RALGAPA2: variants seen among roughly 807,000 people sequenced by gnomAD.
RALGAPA2 encodes the protein Ral GTPase activating protein catalytic subunit alpha 2, also known as ral GTPase-activating protein subunit alpha-2.
Under a neutral mutation model 230.4 loss-of-function variants are expected in RALGAPA2, and 139 were observed. The ratio of observed to expected loss-of-function variants is 0.60; its 90% CI spans 0.53 to 0.69. The LOEUF (loss-of-function observed/expected upper bound fraction) is 0.69, where lower values mean the gene tolerates loss of function less well. Ranked by LOEUF, RALGAPA2 falls within the 30% of genes least tolerant of loss-of-function variation. The probability of loss-of-function intolerance (pLI) is 0.00; values close to 1 mark genes in which losing one functional copy is unlikely to be tolerated. For synonymous variants in RALGAPA2, 847 were observed against 837.8 expected, an observed-to-expected ratio of 1.01 and a Z score of -0.19; for missense variants, 2,163 against 2,276.0, an observed-to-expected ratio of 0.95 and a Z score of 1.01.
intron 37 of RALGAPA2, among the ~76,000 whole-genome samples, chr20:20,414,403 G>A (rs1002491379): frequency 2.6e-5 from 4 of 152,178 alleles, no homozygotes; most frequent in South Asian, 2.1e-4. Context: ...AAGGAAATGC[G>A]TGCGCATTTT....
chr20:20,519,858 C>T lies in RALGAPA2; in HGVS notation c.4084+1059G>A, dbSNP rs370318345. The stretch of plus-strand genomic sequence containing the variant: ...AATTTTCATGGATGATCTAACACTT[C>T]ACACCTACATCTCTTTAATTTTTTT... On this transcript the variant is annotated intron_variant, in intron 31 of 39. Transcript: ENST00000202677. Among the ~76,000 whole-genome samples the T allele has an allele frequency of 3.5e-4, 53 of 152,226 alleles. No homozygotes were observed. In the South Asian group the frequency reaches 8.1e-3, roughly 23 times the overall value.
chr20:20,606,118 C>T (rs1215124541), intron 14 of RALGAPA2, among the ~76,000 whole-genome samples: 3 of 152,182 alleles, frequency 2.0e-5, no homozygotes, highest in Non-Finnish European at 4.4e-5. Flanking sequence ...AAAAAATTCC[C>T]TTGAACCCAG....
At position 20,676,118 on chromosome 20, in the gene RALGAPA2, G is replaced by GA. The variant is rs146686694; in HGVS notation, c.270+117dup. On this transcript the variant is annotated intron_variant, in intron 3 of 39. Coordinates refer to ENST00000202677, the MANE Select transcript of RALGAPA2 (RefSeq NM_020343.4). ...GGGAGGGTGGGAGGAAGGAAGGAAA[G>GA]AAAAAAATATATGTCCACCAACAGC... 4,526 of 667,476 alleles carry GA rather than the reference G, an allele frequency of 6.8e-3. 172 individuals are homozygous for GA. The African/African-American group carries it at 0.077, about 11-fold the overall frequency. The allele number at this position is 667,476 out of a possible 1,614,324, so 41.3% of individuals were successfully genotyped here. A position where few individuals can be genotyped will look rare whatever the true frequency, so the allele number is the denominator to read the frequency against.
At chr20:20,433,386 A>G (rs1344903600) in intron 37 of RALGAPA2, among the ~76,000 whole-genome samples, 1 of 152,212 alleles carries the variant, frequency 6.6e-6, no homozygotes, top group Non-Finnish European at 1.5e-5. Flanking sequence ...GAGGTGAGAG[A>G]AAGAAACTAG....
intron 1 of RALGAPA2, among the ~76,000 whole-genome samples, chr20:20,682,330 T>A (rs1237121165): frequency 6.6e-6 from 1 of 152,222 alleles, no homozygotes; most frequent in Non-Finnish European, 1.5e-5. Flanking sequence ...CTATGATCTA[T>A]ACAATCTTGA....
chr20:20,407,093 C>T (rs2059961867), intron 38 of RALGAPA2, among the ~76,000 whole-genome samples: 5 of 152,072 alleles, frequency 3.3e-5, no homozygotes, highest in South Asian at 4.2e-4. Flanking sequence ...TGCCCATGAC[C>T]TTCGGTGGTC....
At chr20:20,620,013 T>C (rs1384939589) in intron 11 of RALGAPA2, among the ~76,000 whole-genome samples, 1 of 152,216 alleles carries the variant, frequency 6.6e-6, no homozygotes, top group East Asian at 1.9e-4. Context: ...ACACTGCTGT[T>C]TGGTTAGTCC....
intron 37 of RALGAPA2, among the ~76,000 whole-genome samples, chr20:20,444,472 A>G (rs570730587): frequency 2.0e-5 from 3 of 151,990 alleles, no homozygotes; most frequent in Admixed American, 6.6e-5. Flanking sequence ...AGACACACAC[A>G]CACAGTACAC....
chr20:20,587,484 T>C (rs919413024), intron 18 of RALGAPA2, among the ~76,000 whole-genome samples: 6 of 151,986 alleles, frequency 3.9e-5, no homozygotes, highest in Non-Finnish European at 7.4e-5. Context: ...AAAAATGAAA[T>C]TGGATCCCTA....
rs2059766212 is a variant in RALGAPA2 at position 20,398,573 on chromosome 20, G to T, written c.5618-1839C>A. Among the ~76,000 whole-genome samples the T allele has an allele frequency of 6.6e-6, 1 of 152,202 alleles. No homozygotes were observed. The highest frequency in any genetic ancestry group is 1.5e-5 in the Non-Finnish European group (1 of 68,030). On this transcript the variant is annotated intron_variant, in intron 38 of 39. Transcript: ENST00000202677. This position sits in a 1 kb window ranked among gnomAD's most constrained non-coding sequence, Gnocchi z 4.5. ...GGGGTTCCAGTCGTGGAGCAGAGGA[G>T]TAAGCTGTCAGCTTCCTGATACATC... is the stretch of plus-strand genomic sequence containing the variant.
At chr20:20,633,410 C>T (rs2066753486) in intron 9 of RALGAPA2, among the ~76,000 whole-genome samples, 4 of 152,222 alleles carry the variant, frequency 2.6e-5, no homozygotes. Context: ...GCTGGGATTA[C>T]AGGCGAGAGC....
Position 20,589,373 on chromosome 20 carries a change from T to G in RALGAPA2, c.2342-8A>C. The G allele has an allele frequency of 6.3e-7, 1 of 1,575,416 alleles. No individual in the cohort carries two copies. The highest frequency in any genetic ancestry group is 1.9e-5 in the Admixed American group (1 of 53,970). ...TGTTTTCTGCCTTTTGACCTAGAAATGGTGGGGCAGGGGGGTAGCGGAAAT... is the reference window on the plus strand; with the variant it reads ...TGTTTTCTGCCTTTTGACCTAGAAAGGGTGGGGCAGGGGGGTAGCGGAAAT... On this transcript the variant is annotated splice_polypyrimidine_tract_variant and splice_region_variant and intron_variant, in intron 17 of 39. Transcript: ENST00000202677.
intron 37 of RALGAPA2, among the ~76,000 whole-genome samples, chr20:20,463,518 G>C (rs780539121): frequency 6.6e-6 from 1 of 151,972 alleles, no homozygotes; most frequent in Non-Finnish European, 1.5e-5. Context: ...ACTACTTTGT[G>C]CTTTTTTAAA....
At chr20:20,474,183 T>C (rs1377926561) in intron 36 of RALGAPA2, among the ~76,000 whole-genome samples, 2 of 152,058 alleles carry the variant, frequency 1.3e-5, no homozygotes, top group African/African-American at 2.4e-5. Flanking sequence ...AAGTGATGAA[T>C]GAACCACAAG....
In RALGAPA2 at chr20:20,513,295, C is replaced by T. The variant is rs535053989; in HGVS notation, c.4085-11G>A. On this transcript the variant is annotated splice_polypyrimidine_tract_variant and intron_variant, in intron 31 of 39. Coordinates refer to ENST00000202677, the MANE Select transcript of RALGAPA2 (RefSeq NM_020343.4). Reference sequence around the variant, plus strand: ...TTCTTCTCTTCTTCTCTGTAAACAGCGGTAAAGAAACATAAAGAGTCAGTG... The same window carrying T: ...TTCTTCTCTTCTTCTCTGTAAACAGTGGTAAAGAAACATAAAGAGTCAGTG... 52 of 1,406,188 alleles carry T rather than the reference C, an allele frequency of 3.7e-5. No individual in the cohort carries two copies. The highest frequency in any genetic ancestry group is 1.3e-4 in the East Asian group (5 of 39,742). The allele number at this position is 1,406,188 out of a possible 1,614,324, so 87.1% of individuals were successfully genotyped here.
chr20:20,465,197 A>ACACACT (rs772089136), intron 37 of RALGAPA2, among the ~76,000 whole-genome samples: 198 of 147,398 alleles, frequency 1.3e-3, no homozygotes, highest in Non-Finnish European at 1.4e-3. Flanking sequence ...ACACACACAC[A>ACACACT]CTCTCTCATA....
intron 1 of RALGAPA2, among the ~76,000 whole-genome samples, chr20:20,702,593 A>G (rs1294638481): frequency 6.6e-6 from 1 of 152,182 alleles, no homozygotes; most frequent in Non-Finnish European, 1.5e-5. Flanking sequence ...ATGGGCTAAG[A>G]GCTTCCCAAG....
rs114474644 is a variant in RALGAPA2, at chr20:20,674,570, T to C, written c.270+1666A>G. Among the ~76,000 whole-genome samples, 1,102 of 152,284 alleles carry C rather than the reference T, an allele frequency of 7.2e-3. 11 individuals carry two copies. Among genetic ancestry groups the C allele is most frequent in the African/African-American group, 0.025 (1,058 of 41,558 alleles). On this transcript the variant is annotated intron_variant, in intron 3 of 39. Transcript: ENST00000202677. ...GGCAAGTATGTCCACTCCTTACTCA[T>C]AGACAATCTGTCTACCAAGAAAACA...
intron 37 of RALGAPA2, among the ~76,000 whole-genome samples, chr20:20,441,307 G>A (rs1271521070): frequency 2.6e-5 from 4 of 152,238 alleles, no homozygotes; most frequent in African/African-American, 9.6e-5. Context: ...GGAAACAAGT[G>A]GGAAGTGGGA....
Sources: gnomAD v4.1 joint callset for allele counts (sites outside exome capture counted in the v4.1 genomes callset) on GRCh38, gnomAD v4.1.1 for gene constraint, Gnocchi (gnomAD v3.1) non-coding constraint, MANE v1.5 for transcripts, NCBI Gene and HGNC (gene_info 2026-07-23, HGNC 2026-07-21) for gene names.